Variants in ABCA8 observed in about 807,000 individuals in gnomAD.
ABCA8 encodes ABC-type organic anion transporter ABCA8.
ABCA8 carries 177 observed loss-of-function variants against 192.3 expected under a neutral mutation model. The observed-to-expected ratio is 0.92, with a 90% CI of 0.81 to 1.04. The LOEUF is 1.04. Among genes scored for constraint, ABCA8 ranks in the 50% least tolerant of loss-of-function variants. The probability of loss-of-function intolerance (pLI) is 0.00; values close to 1 mark genes in which losing one functional copy is unlikely to be tolerated. For synonymous variants in ABCA8, 642 were observed against 690.2 expected, an observed-to-expected ratio of 0.93 and a Z score of 1.09; for missense variants, 1,915 against 1,904.8, an observed-to-expected ratio of 1.01 and a Z score of -0.10.
In ABCA8 at chr17:68,949,373, G is replaced by A. The variant is rs974652575; in HGVS notation, c.-67C>T. 1 of 152,166 alleles carries A rather than the reference G, an allele frequency of 6.6e-6. No individual in the cohort carries two copies. The highest frequency in any genetic ancestry group is 2.1e-4 in the South Asian group (1 of 4,824). 9.4% of individuals were successfully genotyped at this position (152,166 alleles called of 1,614,324 possible). A position where few individuals can be genotyped will look rare whatever the true frequency, so the allele number is the denominator to read the frequency against. ...CTGAATTCTACCAGTGGTACAAGAGGAGCTGGTAGCATTCCTTCTGAAACA... is the reference window on the plus strand; with the variant it reads ...CTGAATTCTACCAGTGGTACAAGAGAAGCTGGTAGCATTCCTTCTGAAACA... On this transcript the variant is annotated 5_prime_UTR_variant, in exon 2 of 40. Transcript: ENST00000586539.
At chr17:68,896,129 T>C (rs2066751160) in intron 21 of ABCA8, among the ~76,000 whole-genome samples, 1 of 122,142 alleles carries the variant, frequency 8.2e-6, no homozygotes, top group African/African-American at 2.8e-5. Context: ...CTAAATAAAC[T>C]GACTTTAGTT....
intron 32 of ABCA8, chr17:68,880,047 C>G (rs968626499): frequency 6.6e-6 from 1 of 152,194 alleles, no homozygotes; most frequent in African/African-American, 2.4e-5. Context: ...AGCCTGGGTG[C>G]CAGGCTGCCG....
At chr17:68,877,727 T>C (rs1384233450) in intron 32 of ABCA8, 48 bp from the exon 33 acceptor site, 1 of 1,543,626 alleles carries the variant, frequency 6.5e-7, no homozygotes, top group East Asian at 2.3e-5. Flanking sequence ...CACTGCTTCT[T>C]TGAGTATTTC....
At chr17:68,923,620 C>G (rs1204046710) in intron 11 of ABCA8, among the ~76,000 whole-genome samples, 2 of 152,192 alleles carry the variant, frequency 1.3e-5, no homozygotes, top group African/African-American at 4.8e-5. Context: ...ACAAGCACCT[C>G]AAATAAAGCC....
intron 31 of ABCA8, 129 bp from the exon 32 acceptor site, chr17:68,881,340 G>A (rs548266603): frequency 1.2e-5 from 8 of 680,702 alleles, no homozygotes; most frequent in Admixed American, 8.1e-5. Flanking sequence ...ACCACCCTGA[G>A]AAGTTGTTAT....
chr17:68,950,006 A>C (rs796893948), intron 1 of ABCA8, among the ~76,000 whole-genome samples: 1 of 151,926 alleles, frequency 6.6e-6, no homozygotes, highest in East Asian at 1.9e-4. Context: ...TCAAATTGTC[A>C]CTGTTTGCTG....
Position 68,876,562 on chromosome 17 carries a change from G to T in ABCA8, c.4276-8C>A. The T allele has an allele frequency of 6.2e-7, 1 of 1,614,094 alleles. No homozygotes were observed. The highest frequency in any genetic ancestry group is 1.1e-5 in the South Asian group (1 of 91,068). On this transcript the variant is annotated splice_region_variant and splice_polypyrimidine_tract_variant and intron_variant, in intron 34 of 39. Transcript: ENST00000586539. ...GCTCAGGACAAAGCACAGCTGCAACGGGAGGAACAGCCCATCTGGTTCCCA... is the reference window on the plus strand; with the variant it reads ...GCTCAGGACAAAGCACAGCTGCAACTGGAGGAACAGCCCATCTGGTTCCCA...
At position 68,876,576 on chromosome 17, in the gene ABCA8, A is replaced by C. The variant is rs372128253; in HGVS notation, c.4276-22T>G. The C allele has an allele frequency of 6.2e-6, 10 of 1,614,036 alleles. No homozygotes were observed. The African/African-American group carries it at 1.1e-4, about 17-fold the overall frequency. Reference sequence around the variant, plus strand: ...ACAGCTGCAACGGGAGGAACAGCCCATCTGGTTCCCATCTATGGCACTTGC... The same window carrying C: ...ACAGCTGCAACGGGAGGAACAGCCCCTCTGGTTCCCATCTATGGCACTTGC... On this transcript the variant is annotated intron_variant, in intron 34 of 39. Coordinates refer to ENST00000586539, the MANE Select transcript of ABCA8 (RefSeq NM_001288985.2).
chr17:68,932,284 T>C lies in ABCA8; in HGVS notation c.797+4A>G, dbSNP rs1277613028. On this transcript the variant is annotated splice_donor_region_variant and intron_variant, in intron 7 of 39. Coordinates refer to ENST00000586539, the MANE Select transcript of ABCA8 (RefSeq NM_001288985.2). ...TTTATTTATTTGTGCTGCGTTTGAC[T>C]CACCAGAACGCTGAATCCCGAAGAC... 6.2e-7 allele frequency: 1 copy of C among 1,602,464 alleles called. No individual in the cohort carries two copies. Among genetic ancestry groups the C allele is most frequent in the Admixed American group, 1.7e-5 (1 of 59,400 alleles).
chr17:68,905,580 GGATA>G (rs1315782912), intron 19 of ABCA8, among the ~76,000 whole-genome samples: 3 of 152,000 alleles, frequency 2.0e-5, no homozygotes, highest in East Asian at 1.9e-4. Context: ...GAAAATAGGT[GGATA>G]GATAGTGTCC....
rs755865940 is a variant in ABCA8, at chr17:68,881,917, A to G, written c.3892T>C (p.Ser1298Pro). 2.5e-6 allele frequency: 4 copies of G among 1,614,146 alleles called. No homozygotes were observed. Among genetic ancestry groups the G allele is most frequent in the Non-Finnish European group, 3.4e-6 (4 of 1,179,964 alleles). The change falls in exon 31 of 40, where the codon TCC becomes CCC. Residue 1298 changes from serine (S) to proline (P), a missense_variant. Physicochemically the swap from Ser to Pro is moderately conservative, Grantham distance 74. Transcript: ENST00000586539. ...EYAGKRKGCF[S>P]KRKNKIATRN... ...GTGGCTATCTTATTCTTCCTCTTGGAAAAACAGCCTTTCCTCTTCCCTGCA... is the reference window on the plus strand; with the variant it reads ...GTGGCTATCTTATTCTTCCTCTTGGGAAAACAGCCTTTCCTCTTCCCTGCA...
intron 5 of ABCA8, among the ~76,000 whole-genome samples, chr17:68,936,168 T>C (rs2068059595): frequency 6.6e-6 from 1 of 152,052 alleles, no homozygotes; most frequent in South Asian, 2.1e-4. Context: ...TTGCAGAAGT[T>C]TTTTTTAGTT....
chr17:68,894,875 C>A lies in ABCA8; in HGVS notation c.2898+5G>T. 1.2e-6 allele frequency: 2 copies of A among 1,611,132 alleles called. No homozygotes were observed. Among genetic ancestry groups the A allele is most frequent in the Admixed American group, 1.7e-5 (1 of 59,548 alleles). ...TTTCAGAAAGATTATTAGAGACCTG[C>A]ATACCTTTTCATTACAACACACTGT... On this transcript the variant is annotated splice_donor_5th_base_variant and intron_variant, in intron 22 of 39. Coordinates refer to ENST00000586539, the MANE Select transcript of ABCA8 (RefSeq NM_001288985.2).
chr17:68,924,945 G>C, intron 10 of ABCA8, 76 bp from the exon 11 acceptor site: 1 of 1,465,538 alleles, frequency 6.8e-7, no homozygotes, highest in South Asian at 1.3e-5. Context: ...ATGTAGCACG[G>C]CAACACAGCC....
chr17:68,888,092 C>A (rs1439089302), intron 24 of ABCA8, among the ~76,000 whole-genome samples: 2 of 143,140 alleles, frequency 1.4e-5, no homozygotes, highest in African/African-American at 5.3e-5. Context: ...CACACACATA[C>A]ACACACACAC....
rs145536733 is a variant in ABCA8 at position 68,907,793 on chromosome 17, C to G, written c.2225G>C (p.Ser742Thr). ...TAATGTATAAATAAGTTTTCCTTCGCTTTTGGCTGATAATTTGGCATCAGG... is the reference window on the plus strand; with the variant it reads ...TAATGTATAAATAAGTTTTCCTTCGGTTTTGGCTGATAATTTGGCATCAGG... ...HIPDAKLSAKSEGKLIYTLPL... is the reference protein window; with the variant it reads ...HIPDAKLSAKTEGKLIYTLPL... The change falls in exon 18 of 40, where the codon AGC becomes ACC. Residue 742 changes from serine to threonine, a missense_variant. Transcript: ENST00000586539. 8 of 1,607,444 alleles carry G rather than the reference C, an allele frequency of 5.0e-6. No individual in the cohort carries two copies. In the African/African-American group the frequency reaches 8.0e-5, roughly 16 times the overall value.
At chr17:68,893,179 GT>G (rs2066656303) in intron 23 of ABCA8, among the ~76,000 whole-genome samples, 1 of 152,110 alleles carries the variant, frequency 6.6e-6, no homozygotes, top group South Asian at 2.1e-4. Flanking sequence ...TGTTTATCAT[GT>G]TACAGGTTTT....
At chr17:68,950,438 A>T (rs1240172359) in intron 1 of ABCA8, among the ~76,000 whole-genome samples, 1 of 152,226 alleles carries the variant, frequency 6.6e-6, no homozygotes, top group Non-Finnish European at 1.5e-5. Flanking sequence ...CTGGCTTCAA[A>T]CTATATTTAG....
chr17:68,917,363 T>G lies in ABCA8; in HGVS notation c.2136A>C (p.Leu712Phe). The part of the protein sequence containing the change: ...LKKKWGIGYH[L>F]SLQLNEICVE... ...CCAGCCTTCTTAAGTGACCTTACCT[T>G]AAGTGATATCCAATCCCCCATTTCT... is the stretch of plus-strand genomic sequence containing the variant. Residue 712 changes from leucine (L) to phenylalanine (F), a missense_variant and splice_region_variant, in exon 17 of 40, where the codon TTA (leucine) becomes TTC (phenylalanine). By Grantham distance (22) the Leu-to-Phe change is conservative. Coordinates refer to ENST00000586539, the MANE Select transcript of ABCA8 (RefSeq NM_001288985.2). 1 of 1,607,754 alleles carries G rather than the reference T, an allele frequency of 6.2e-7. No homozygotes were observed. Among genetic ancestry groups the G allele is most frequent in the Non-Finnish European group, 8.5e-7 (1 of 1,175,646 alleles).
Sources: allele counts gnomAD v4.1 joint callset (sites outside exome capture counted in the v4.1 genomes callset), GRCh38; gene constraint gnomAD v4.1.1; transcripts MANE v1.5; gene names NCBI Gene and HGNC (gene_info 2026-07-23, HGNC 2026-07-21).